SLC6A6: variants seen among roughly 807,000 people sequenced by gnomAD.
The protein encoded by SLC6A6 is sodium- and chloride-dependent taurine transporter.
A neutral mutation model predicts 68.8 loss-of-function variants in SLC6A6; 16 were observed. The observed-to-expected ratio is 0.23, with a 90% confidence interval of 0.16 to 0.35. SLC6A6 has a LOEUF of 0.35. Ranked by LOEUF, SLC6A6 falls within the 10% of genes least tolerant of loss-of-function variation. SLC6A6 has a pLI of 1.00. For synonymous variants in SLC6A6, 312 were observed against 315.4 expected (o/e 0.99, Z 0.12); for missense variants, 474 against 802.8 (o/e 0.59, Z 4.95).
chr3:14,476,155 C>A (rs1700874041), intron 10 of SLC6A6, among the ~76,000 whole-genome samples: 1 of 152,110 alleles, frequency 6.6e-6, no homozygotes, highest in South Asian at 2.1e-4. Context: ...TTGGGTGTAG[C>A]CATCCAAATT....
intron 13 of SLC6A6, among the ~76,000 whole-genome samples, chr3:14,479,529 C>G (rs1011523213): frequency 2.6e-5 from 4 of 152,058 alleles, no homozygotes; most frequent in African/African-American, 7.2e-5. Flanking sequence ...TTTCCCCAAA[C>G]CTTCCAGAGC....
rs1198836155 is a variant in SLC6A6 at position 14,487,221 on chromosome 3, T to C, written c.*2214T>C. The C allele has an allele frequency of 1.3e-5, 2 of 152,652 alleles. No homozygotes were observed. The highest frequency in any genetic ancestry group is 4.8e-5 in the African/African-American group (2 of 41,456). 9.5% of individuals were successfully genotyped at this position (152,652 alleles called of 1,614,324 possible). ...AAATTGCAACATTCTGGACATGGCCTGAGGAAGGCCTCTTCTTATAAGATT... is the reference window on the plus strand; with the variant it reads ...AAATTGCAACATTCTGGACATGGCCCGAGGAAGGCCTCTTCTTATAAGATT... On this transcript the variant is annotated 3_prime_UTR_variant, in exon 15 of 15. Coordinates refer to ENST00000622186, the MANE Select transcript of SLC6A6 (RefSeq NM_003043.6).
intron 2 of SLC6A6, among the ~76,000 whole-genome samples, chr3:14,442,534 GT>G (rs1385891685): frequency 6.6e-6 from 1 of 152,242 alleles, no homozygotes; most frequent in African/African-American, 2.4e-5. Flanking sequence ...ACCCTTGTCA[GT>G]TCTCAGAGAG....
chr3:14,468,044 T>C lies in SLC6A6; in HGVS notation c.972-44T>C. On this transcript the variant is annotated intron_variant, in intron 8 of 14. Coordinates refer to ENST00000622186, the MANE Select transcript of SLC6A6 (RefSeq NM_003043.6). This position sits in a 1 kb window ranked among gnomAD's most constrained non-coding sequence, Gnocchi z 4.5. ...AAGAGAAGTAGGGAGCGTGGCTTCC[T>C]TGTGTTGTGAATTAACTTGCTCCCT... The C allele has an allele frequency of 6.2e-7, 1 of 1,613,916 alleles. No homozygotes were observed. The highest frequency in any genetic ancestry group is 8.5e-7 in the Non-Finnish European group (1 of 1,179,854).
chr3:14,444,070 G>T, intron 3 of SLC6A6: 2 of 556,634 alleles, frequency 3.6e-6, no homozygotes, highest in Non-Finnish European at 3.3e-6. Context: ...GTACTGTTCT[G>T]CAGGGCCTTT....
intron 1 of SLC6A6, among the ~76,000 whole-genome samples, chr3:14,408,242 A>G (rs1699153927): frequency 6.6e-6 from 1 of 152,248 alleles, no homozygotes; most frequent in Non-Finnish European, 1.5e-5. Flanking sequence ...ACGAAACTGC[A>G]TAAACTAAAA....
chr3:14,469,255 C>A (rs894989349), intron 9 of SLC6A6, among the ~76,000 whole-genome samples: 7 of 152,028 alleles, frequency 4.6e-5, no homozygotes. Flanking sequence ...CATACAACTT[C>A]CCTGGGGCTA....
At chr3:14,421,047 G>T (rs553368975) in intron 2 of SLC6A6, among the ~76,000 whole-genome samples, 1 of 152,204 alleles carries the variant, frequency 6.6e-6, no homozygotes, top group Admixed American at 6.5e-5. Context: ...CATTGACCCC[G>T]CAGGGGTTGC....
At chr3:14,434,143 T>C (rs1001488554) in intron 2 of SLC6A6, among the ~76,000 whole-genome samples, 4 of 152,234 alleles carry the variant, frequency 2.6e-5, no homozygotes, top group Non-Finnish European at 5.9e-5. Flanking sequence ...TGCCTCAGCT[T>C]CAGTGTGGCT....
At position 14,481,881 on chromosome 3, in the gene SLC6A6, C is replaced by G; in HGVS notation, c.1722+40C>G. The stretch of plus-strand genomic sequence containing the variant: ...CCAGGGCCAGGGGAGGTGGGAGGCG[C>G]GAGGCCAAAGGTGATTGTTGTCAGT... On this transcript the variant is annotated intron_variant, in intron 14 of 14. Transcript: ENST00000622186. This position sits in a 1 kb window ranked among gnomAD's most constrained non-coding sequence, Gnocchi z 4.7. 6.4e-7 allele frequency: 1 copy of G among 1,570,102 alleles called. No homozygotes were observed. The highest frequency in any genetic ancestry group is 8.7e-7 in the Non-Finnish European group (1 of 1,144,534).
At chr3:14,444,060 G>C in intron 3 of SLC6A6, 197 bp downstream of exon 3, 1 of 574,726 alleles carries the variant, frequency 1.7e-6, no homozygotes, top group Non-Finnish European at 3.1e-6. Context: ...GAGAATCAGA[G>C]TACTGTTCTG....
chr3:14,446,047 G>A (rs1700113921), intron 4 of SLC6A6, among the ~76,000 whole-genome samples, 196 bp downstream of exon 4: 2 of 152,348 alleles, frequency 1.3e-5, no homozygotes, highest in South Asian at 2.1e-4. Context: ...AGGAGATGTG[G>A]CAAGTGCCTA....
intron 2 of SLC6A6, among the ~76,000 whole-genome samples, chr3:14,427,192 T>C (rs1389872819): frequency 1.4e-5 from 2 of 146,066 alleles, no homozygotes; most frequent in African/African-American, 5.6e-5. Context: ...GCAGCTGTCC[T>C]GAGTCCTGCT....
chr3:14,420,987 T>C (rs967873206), intron 2 of SLC6A6, among the ~76,000 whole-genome samples: 6 of 152,222 alleles, frequency 3.9e-5, no homozygotes, highest in Admixed American at 1.3e-4. Flanking sequence ...GTGGGCTTGC[T>C]GGTCGAATGG....
At position 14,403,161 on chromosome 3, in the gene SLC6A6, A is replaced by G. The variant is rs1699027642; in HGVS notation, c.-54+314A>G. Among the ~76,000 whole-genome samples, 3 of 151,246 alleles carry G rather than the reference A, an allele frequency of 2.0e-5. No individual in the cohort carries two copies. In the South Asian group the frequency reaches 6.3e-4, roughly 32 times the overall value. On this transcript the variant is annotated intron_variant, in intron 1 of 14. Coordinates refer to ENST00000622186, the MANE Select transcript of SLC6A6 (RefSeq NM_003043.6). The stretch of plus-strand genomic sequence containing the variant: ...TGCCTGTCTCCGTCAGGATGCCTAC[A>G]TGTGCCTCCGTATCCCTGTGTCTGT...
chr3:14,430,179 G>A (rs1188121086), intron 2 of SLC6A6, among the ~76,000 whole-genome samples: 1 of 152,228 alleles, frequency 6.6e-6, no homozygotes, highest in Admixed American at 6.5e-5. Flanking sequence ...GACAACTCTA[G>A]TGAGCCTGGG....
intron 2 of SLC6A6, among the ~76,000 whole-genome samples, chr3:14,440,900 G>A (rs909777792): frequency 6.6e-6 from 1 of 152,110 alleles, no homozygotes; most frequent in East Asian, 1.9e-4. Flanking sequence ...TGCCAGGCAC[G>A]TGACAGGTCC....
rs1459966661 is a variant in SLC6A6 at position 14,468,767 on chromosome 3, C to T, written c.1096+555C>T. Among the ~76,000 whole-genome samples, 1 of 152,170 alleles carries T rather than the reference C, an allele frequency of 6.6e-6. No individual in the cohort carries two copies. The highest frequency in any genetic ancestry group is 1.9e-4 in the East Asian group (1 of 5,202). On this transcript the variant is annotated intron_variant, in intron 9 of 14. Coordinates refer to ENST00000622186, the MANE Select transcript of SLC6A6 (RefSeq NM_003043.6). The surrounding 1 kb of genome is among the most constrained non-coding windows in gnomAD (Gnocchi z 4.5). ...TAGATGAGGGGACGACCTACTGGGA[C>T]GGTGGCAGATCCAACTGGGGGTGGG...
intron 2 of SLC6A6, among the ~76,000 whole-genome samples, chr3:14,422,033 G>A (rs547355915): frequency 6.6e-6 from 1 of 152,256 alleles, no homozygotes; most frequent in Admixed American, 6.5e-5. Flanking sequence ...AGGGACTTTC[G>A]GGACCATGGC....
Sources: gnomAD v4.1 joint callset for allele counts (sites outside exome capture counted in the v4.1 genomes callset) on GRCh38, gnomAD v4.1.1 for gene constraint, Gnocchi (gnomAD v3.1) non-coding constraint, MANE v1.5 for transcripts, NCBI Gene and HGNC (gene_info 2026-07-23, HGNC 2026-07-21) for gene names.